DENND6A: variants seen among roughly 807,000 people sequenced by gnomAD.
The protein encoded by DENND6A is DENN domain containing 6A, also known as protein DENND6A.
DENND6A carries 43 observed loss-of-function variants against 95.5 expected under a neutral mutation model. The ratio of observed to expected loss-of-function variants is 0.45; its 90% CI spans 0.35 to 0.58. The LOEUF (loss-of-function observed/expected upper bound fraction) is 0.58. DENND6A is among the 20% of genes least tolerant of loss of function. The probability of loss-of-function intolerance (pLI) is 0.00; values close to 1 mark genes in which losing one functional copy is unlikely to be tolerated. For synonymous variants in DENND6A, 257 were observed against 260.4 expected, an observed-to-expected ratio of 0.99 and a Z score of 0.13; for missense variants, 574 against 736.0, an observed-to-expected ratio of 0.78 and a Z score of 2.55.
At chr3:57,672,576 TG>T in intron 1 of DENND6A, 138 bp from the exon 2 acceptor site, 1 of 801,520 alleles carries the variant, frequency 1.2e-6, no homozygotes, top group East Asian at 2.9e-5. Flanking sequence ...TGAGGTCAGG[TG>T]TTTAAGACCA....
At position 57,671,554 on chromosome 3, in the gene DENND6A, C is replaced by T. The variant is rs573789103; in HGVS notation, c.319+702G>A. 2.6e-5 allele frequency among the ~76,000 whole-genome samples: 4 copies of T among 151,420 alleles called. No homozygotes were observed. The East Asian group carries it at 7.7e-4, about 29-fold the overall frequency. On this transcript the variant is annotated intron_variant, in intron 3 of 19. Coordinates refer to ENST00000311128, the MANE Select transcript of DENND6A (RefSeq NM_152678.3). ...CAAAAAAAAAAAAAGGAAGTAACCA[C>T]AAAAGGAAAGAAAACTAGACTGTCT...
At chr3:57,678,984 A>G (rs1415999868) in intron 1 of DENND6A, among the ~76,000 whole-genome samples, 1 of 152,238 alleles carries the variant, frequency 6.6e-6, no homozygotes, top group Admixed American at 6.5e-5. Context: ...CACACCTGTA[A>G]TCACAGCTAC....
intron 17 of DENND6A, 36 bp from the exon 18 acceptor site, chr3:57,630,559 T>A (rs1237326823): frequency 6.4e-6 from 10 of 1,561,592 alleles, no homozygotes; most frequent in Non-Finnish European, 7.8e-6. Flanking sequence ...AAAGTTTGAT[T>A]ATAACTTATT....
intron 9 of DENND6A, among the ~76,000 whole-genome samples, chr3:57,649,967 A>G (rs890751322): frequency 6.6e-6 from 1 of 151,796 alleles, no homozygotes; most frequent in African/African-American, 2.4e-5. Flanking sequence ...CAGCCATAAA[A>G]AGGAATGAAA....
Position 57,630,494 on chromosome 3 carries a change from C to A in DENND6A, c.1547G>T (p.Gly516Val). 8 of 1,590,376 alleles carry A rather than the reference C, an allele frequency of 5.0e-6. No individual in the cohort carries two copies. The highest frequency in any genetic ancestry group is 6.8e-6 in the Non-Finnish European group (8 of 1,174,960). The change falls in exon 18 of 20, where the codon GGC becomes GTC. Residue 516 changes from glycine (G) to valine (V), a missense_variant. By Grantham distance (109) the Gly-to-Val change is moderately radical. Coordinates refer to ENST00000311128, the MANE Select transcript of DENND6A (RefSeq NM_152678.3). Reference sequence around the variant, plus strand: ...TTCCTTCCTCCGGGTCTTAAACCAGCCATCAAAATTTGGAGACTTTAGGAA... The same window carrying A: ...TTCCTTCCTCCGGGTCTTAAACCAGACATCAAAATTTGGAGACTTTAGGAA... Reference protein sequence around the residue: ...RHFLKSPNFDGWFKTRRKEMT... With the variant: ...RHFLKSPNFDVWFKTRRKEMT...
chr3:57,630,968 A>G lies in DENND6A; in HGVS notation c.1364T>C (p.Val455Ala), dbSNP rs140676537. ...TTTCTGCAAAGGCATCAAGCTTGCC[A>G]CATATCTTTCCTAAAACCAAGAAAA... Reference protein sequence around the residue: ...QSFIIPLERYVASLMPLQKSI... With the variant: ...QSFIIPLERYAASLMPLQKSI... The change falls in exon 16 of 20, where the codon GTG (valine) becomes GCG (alanine). Residue 455 changes from valine (V) to alanine (A), a missense_variant. Physicochemically the swap from Val to Ala is moderately conservative, Grantham distance 64. Transcript: ENST00000311128. 2.3e-5 allele frequency: 37 copies of G among 1,613,166 alleles called. No homozygotes were observed. In the East Asian group the frequency reaches 2.5e-4, roughly 11 times the overall value.
chr3:57,674,372 CA>C (rs113228295), intron 1 of DENND6A, among the ~76,000 whole-genome samples: 279 of 126,726 alleles, frequency 2.2e-3, no homozygotes, highest in Middle Eastern at 8.7e-3. Context: ...GACCCCGTCT[CA>C]AAAAAAAAAA....
At chr3:57,646,295 A>AG in intron 10 of DENND6A, 21 bp downstream of exon 10, 1 of 1,590,104 alleles carries the variant, frequency 6.3e-7, no homozygotes, top group South Asian at 1.2e-5. Flanking sequence ...AAACCCAGAA[A>AG]TAGTAACCAA....
At chr3:57,654,501 G>A in intron 9 of DENND6A, 1 of 469,830 alleles carries the variant, frequency 2.1e-6, no homozygotes, top group Non-Finnish European at 2.8e-6. Flanking sequence ...GAACAGGGGA[G>A]AGAAGCAGGT....
At chr3:57,690,644 A>G (rs1167919324) in intron 1 of DENND6A, among the ~76,000 whole-genome samples, 2 of 151,312 alleles carry the variant, frequency 1.3e-5, no homozygotes, top group East Asian at 3.9e-4. Flanking sequence ...AAATTACACC[A>G]CTGCACTCCA....
intron 9 of DENND6A, chr3:57,654,745 G>A (rs186275534): frequency 8.5e-5 from 84 of 985,250 alleles, no homozygotes; most frequent in South Asian, 3.8e-4. Context: ...TGAAAGGAGC[G>A]CCTACACTCA....
intron 11 of DENND6A, among the ~76,000 whole-genome samples, chr3:57,645,278 T>C (rs2071054751): frequency 6.6e-6 from 1 of 151,858 alleles, no homozygotes. Flanking sequence ...CTGATCAACA[T>C]GGTGAAACCC....
At chr3:57,674,940 C>T (rs1344016143) in intron 1 of DENND6A, among the ~76,000 whole-genome samples, 1 of 151,968 alleles carries the variant, frequency 6.6e-6, no homozygotes, top group Non-Finnish European at 1.5e-5. Context: ...CTTATGAACA[C>T]AAAGAAGGAA....
rs2077282132 is a variant in DENND6A, at chr3:57,692,766, C to T, written c.237+16G>A. ...GCAGGGGAGGAGCGCCGAGAAAGGG[C>T]GGGGCCGGGCCTCACCTCCACGGCC... On this transcript the variant is annotated intron_variant, in intron 1 of 19. Transcript: ENST00000311128. 2.7e-6 allele frequency: 4 copies of T among 1,461,118 alleles called. No homozygotes were observed. The highest frequency in any genetic ancestry group is 5.7e-5 in the Admixed American group (2 of 35,342). The allele number at this position is 1,461,118 out of a possible 1,614,324, so 90.5% of individuals were successfully genotyped here.
intron 14 of DENND6A, 63 bp downstream of exon 14, chr3:57,634,495 C>A: frequency 1.1e-6 from 1 of 923,788 alleles, no homozygotes; most frequent in Non-Finnish European, 1.5e-6. Flanking sequence ...GGACATATTG[C>A]GTAACTGGAT....
At chr3:57,688,452 G>A (rs141275743) in intron 1 of DENND6A, among the ~76,000 whole-genome samples, 6 of 152,114 alleles carry the variant, frequency 3.9e-5, no homozygotes, top group East Asian at 3.9e-4. Context: ...TACTGCTAGC[G>A]AAACCTTGTC....
intron 3 of DENND6A, 52 bp downstream of exon 3, chr3:57,672,204 C>T (rs1227078333): frequency 6.7e-7 from 1 of 1,485,642 alleles, no homozygotes; most frequent in Admixed American, 1.9e-5. Context: ...AACAGTATAA[C>T]CAGTATTCTT....
intron 1 of DENND6A, among the ~76,000 whole-genome samples, chr3:57,681,153 ACT>A (rs892245661): frequency 6.6e-6 from 1 of 152,088 alleles, no homozygotes; most frequent in African/African-American, 2.4e-5. Context: ...ACATAGTGAG[ACT>A]CTGTCTCCTC....
intron 1 of DENND6A, among the ~76,000 whole-genome samples, chr3:57,680,309 T>C (rs2077151732): frequency 6.6e-6 from 1 of 152,180 alleles, no homozygotes; most frequent in Admixed American, 6.5e-5. Context: ...TCATCAAAAT[T>C]TAAAACCTTG....
Sources: allele counts gnomAD v4.1 joint callset (sites outside exome capture counted in the v4.1 genomes callset), GRCh38; gene constraint gnomAD v4.1.1; transcripts MANE v1.5; gene names NCBI Gene and HGNC (gene_info 2026-07-23, HGNC 2026-07-21).